CFAP299: variants seen among roughly 807,000 people sequenced by gnomAD.
CFAP299 encodes cilia- and flagella-associated protein 299.
CFAP299 carries 21 observed loss-of-function variants against 27.0 expected under a neutral mutation model. The observed-to-expected ratio is 0.78, with a 90% CI of 0.55 to 1.12. CFAP299 has a LOEUF of 1.12. Ranked by LOEUF, CFAP299 falls within the 50% of genes most tolerant of loss-of-function variation. The pLI, the probability that CFAP299 is intolerant of heterozygous loss-of-function variation, is 0.00. For synonymous variants in CFAP299, 104 were observed against 98.1 expected, an observed-to-expected ratio of 1.06 and a Z score of -0.36; for missense variants, 310 against 276.6, an observed-to-expected ratio of 1.12 and a Z score of -0.86.
intron 2 of CFAP299, among the ~76,000 whole-genome samples, chr4:80,406,219 C>T (rs1390720722): frequency 3.3e-5 from 5 of 152,136 alleles, no homozygotes; most frequent in Non-Finnish European, 7.4e-5. Context: ...ATGTGATGGA[C>T]TTTATACATT....
chr4:80,894,090 A>G (rs570809784), intron 4 of CFAP299, among the ~76,000 whole-genome samples: 15 of 152,156 alleles, frequency 9.9e-5, no homozygotes, highest in Non-Finnish European at 1.8e-4. Flanking sequence ...GAAGACGTAC[A>G]TATGGCCTAC....
At chr4:80,410,331 T>A (rs901146771) in intron 2 of CFAP299, among the ~76,000 whole-genome samples, 2 of 152,216 alleles carry the variant, frequency 1.3e-5, no homozygotes, top group African/African-American at 4.8e-5. Flanking sequence ...TTGCCTTGGA[T>A]GATTTGCGTG....
intron 2 of CFAP299, chr4:80,387,473 C>A: frequency 2.4e-6 from 2 of 819,758 alleles, no homozygotes; most frequent in South Asian, 3.0e-5. Flanking sequence ...CCGGCTTGCC[C>A]CTTGCTATCG....
At chr4:80,920,799 G>C (rs913259651) in intron 4 of CFAP299, among the ~76,000 whole-genome samples, 1 of 151,950 alleles carries the variant, frequency 6.6e-6, no homozygotes, top group Non-Finnish European at 1.5e-5. Flanking sequence ...GTTCAGATGT[G>C]GATAAAGTAA....
chr4:80,433,482 GT>G (rs1179724390), intron 2 of CFAP299, among the ~76,000 whole-genome samples: 3 of 152,086 alleles, frequency 2.0e-5, no homozygotes, highest in Non-Finnish European at 4.4e-5. Context: ...GCTTTTCTCA[GT>G]TTCTCAAAAC....
intron 2 of CFAP299, among the ~76,000 whole-genome samples, chr4:80,545,445 A>G (rs1252772823): frequency 1.3e-5 from 2 of 152,108 alleles, no homozygotes; most frequent in Admixed American, 1.3e-4. Context: ...ACAGAAGAAA[A>G]AAAAACCCTC....
At position 80,772,522 on chromosome 4, in the gene CFAP299, G is replaced by A. The variant is rs1004496375; in HGVS notation, c.334-97471G>A. On this transcript the variant is annotated intron_variant, in intron 3 of 5. Coordinates refer to ENST00000358105, the MANE Select transcript of CFAP299 (RefSeq NM_152770.3). The stretch of plus-strand genomic sequence containing the variant: ...AGATTATATATCTATAATAACTTGA[G>A]AAAGCATACTTTCCCAATAGGCACT... Among the ~76,000 whole-genome samples, 12 of 151,992 alleles carry A rather than the reference G, an allele frequency of 7.9e-5. 1 individual carries two copies. The highest frequency in any genetic ancestry group is 3.9e-4 in the Admixed American group (6 of 15,256).
chr4:80,927,105 A>C (rs1736346176), intron 4 of CFAP299, among the ~76,000 whole-genome samples: 1 of 152,044 alleles, frequency 6.6e-6, no homozygotes, highest in African/African-American at 2.4e-5. Context: ...GAAATACAAA[A>C]TTGCTTAGTG....
At chr4:80,605,605 A>G (rs1737617483) in intron 3 of CFAP299, among the ~76,000 whole-genome samples, 1 of 152,182 alleles carries the variant, frequency 6.6e-6, no homozygotes. Flanking sequence ...TTCTGGCTCT[A>G]AATAACCTGC....
intron 2 of CFAP299, among the ~76,000 whole-genome samples, chr4:80,564,359 G>C (rs1372210516): frequency 6.6e-6 from 1 of 151,984 alleles, no homozygotes; most frequent in Admixed American, 6.6e-5. Context: ...TCCCTAGGAT[G>C]CAAAGATGTT....
intron 4 of CFAP299, among the ~76,000 whole-genome samples, chr4:80,903,869 T>G (rs986356236): frequency 6.6e-6 from 1 of 152,128 alleles, no homozygotes; most frequent in Non-Finnish European, 1.5e-5. Flanking sequence ...TACATAGGGA[T>G]TCATAGAAAA....
At chr4:80,524,023 T>A (rs1047529166) in intron 2 of CFAP299, among the ~76,000 whole-genome samples, 1 of 152,108 alleles carries the variant, frequency 6.6e-6, no homozygotes, top group Non-Finnish European at 1.5e-5. Context: ...AACAGTCACT[T>A]CTCTTGAAAC....
At chr4:80,323,190 C>A in the CFAP299 span, among the ~76,000 whole-genome samples, 1 of 152,150 alleles carries the variant, frequency 6.6e-6, no homozygotes, top group East Asian at 1.9e-4. Flanking sequence ...GGTTCTGGAC[C>A]AGGCTCCTGA....
intron 2 of CFAP299, among the ~76,000 whole-genome samples, chr4:80,581,342 TAAAG>T (rs1387757126): frequency 6.6e-6 from 1 of 150,824 alleles, no homozygotes; most frequent in Non-Finnish European, 1.5e-5. Context: ...AACAGTGAAT[TAAAG>T]AAATTCTCAA....
At chr4:80,580,960 A>G (rs1224133495) in intron 2 of CFAP299, among the ~76,000 whole-genome samples, 1 of 151,968 alleles carries the variant, frequency 6.6e-6, no homozygotes, top group Admixed American at 6.6e-5. Flanking sequence ...CCCCAAGATG[A>G]AGAGCCGCAG....
intron 2 of CFAP299, among the ~76,000 whole-genome samples, chr4:80,572,979 A>G (rs1249298239): frequency 6.6e-6 from 1 of 152,116 alleles, no homozygotes; most frequent in Admixed American, 6.5e-5. Context: ...CGTTTTGGGT[A>G]TAGGCTTAGC....
At chr4:80,482,721 T>A (rs560646437) in intron 2 of CFAP299, among the ~76,000 whole-genome samples, 1 of 152,308 alleles carries the variant, frequency 6.6e-6, no homozygotes, top group South Asian at 2.1e-4. Flanking sequence ...TGCAAAGCAT[T>A]ATTGTCCCCA....
upstream of CFAP299, among the ~76,000 whole-genome samples, chr4:80,334,152 G>A (rs557138657): frequency 4.6e-5 from 7 of 152,312 alleles, no homozygotes; most frequent in East Asian, 1.3e-3. Flanking sequence ...TTTAGATGCT[G>A]TAGAGATTAC....
At chr4:80,592,237 A>G (rs2109887256) in intron 3 of CFAP299, among the ~76,000 whole-genome samples, 1 of 152,160 alleles carries the variant, frequency 6.6e-6, no homozygotes, top group East Asian at 1.9e-4. Context: ...TGTTACTGCA[A>G]TTATAAAAGC....
Sources: gnomAD v4.1 joint callset for allele counts (sites outside exome capture counted in the v4.1 genomes callset) on GRCh38, gnomAD v4.1.1 for gene constraint, MANE v1.5 for transcripts, NCBI Gene and HGNC (gene_info 2026-07-23, HGNC 2026-07-21) for gene names.